Variants in GTF2E2 observed in about 807,000 individuals in gnomAD.
The protein encoded by GTF2E2 is transcription initiation factor IIE subunit beta.
Under a neutral mutation model 40.5 loss-of-function variants are expected in GTF2E2, and 21 were observed. That is an observed-to-expected ratio of 0.52 (90% CI 0.37 to 0.75). The LOEUF (loss-of-function observed/expected upper bound fraction) is 0.75. Ranked by LOEUF, GTF2E2 falls within the 30% of genes least tolerant of loss-of-function variation. GTF2E2 has a pLI of 0.00. For missense variants in GTF2E2, 298 were observed against 338.4 expected (o/e 0.88, Z 0.94); for synonymous variants, 117 against 121.6 (o/e 0.96, Z 0.25).
chr8:30,626,241 C>T (rs966575875), intron 3 of GTF2E2, among the ~76,000 whole-genome samples: 3 of 152,310 alleles, frequency 2.0e-5, no homozygotes, highest in Middle Eastern at 3.4e-3. Context: ...AATCCCACCA[C>T]TTTGGGAGGC....
intron 2 of GTF2E2, among the ~76,000 whole-genome samples, chr8:30,653,012 A>T (rs1802334215): frequency 6.6e-6 from 1 of 152,218 alleles, no homozygotes; most frequent in Non-Finnish European, 1.5e-5. Context: ...AAAGGCAAAT[A>T]TACAGAGCCA....
intron 6 of GTF2E2, among the ~76,000 whole-genome samples, chr8:30,593,338 G>GA (rs1283129170): frequency 2.0e-5 from 3 of 152,188 alleles, no homozygotes; most frequent in Non-Finnish European, 2.9e-5. Flanking sequence ...ATCAACTACT[G>GA]AAAGAGGAAT....
chr8:30,635,449 C>T (rs1801567002), intron 2 of GTF2E2, among the ~76,000 whole-genome samples: 1 of 152,038 alleles, frequency 6.6e-6, no homozygotes, highest in Non-Finnish European at 1.5e-5. Context: ...ATGGCACAAT[C>T]ACAGCTCACT....
chr8:30,609,980 G>A (rs1343749792), intron 5 of GTF2E2, among the ~76,000 whole-genome samples: 4 of 152,088 alleles, frequency 2.6e-5, no homozygotes. Context: ...CATGCTTCCT[G>A]GAGAGCCTGC....
At chr8:30,598,359 T>C (rs1454893328) in intron 6 of GTF2E2, among the ~76,000 whole-genome samples, 2 of 152,150 alleles carry the variant, frequency 1.3e-5, no homozygotes, top group Non-Finnish European at 2.9e-5. Context: ...GTGGCAGCAA[T>C]GGTCTGGAAA....
At chr8:30,640,572 T>C (rs973256972) in intron 2 of GTF2E2, among the ~76,000 whole-genome samples, 1 of 152,194 alleles carries the variant, frequency 6.6e-6, no homozygotes, top group Non-Finnish European at 1.5e-5. Context: ...CAGAAAAAGA[T>C]TGTTTTACCT....
Position 30,583,201 on chromosome 8 carries a change from G to A in GTF2E2, c.644-2805C>T, listed in dbSNP as rs1320885982. On this transcript the variant is annotated intron_variant, in intron 6 of 7. Transcript: ENST00000355904. ...ATACAAAAATTAGCTGGGCATGGCAGTGGGTACCTGTAATCCCAGCTACTC... is the reference window on the plus strand; with the variant it reads ...ATACAAAAATTAGCTGGGCATGGCAATGGGTACCTGTAATCCCAGCTACTC... 2.0e-5 allele frequency among the ~76,000 whole-genome samples: 3 copies of A among 152,198 alleles called. No individual in the cohort carries two copies. In the East Asian group the frequency reaches 5.8e-4, roughly 29 times the overall value.
At chr8:30,601,587 G>A (rs1335010450) in intron 6 of GTF2E2, among the ~76,000 whole-genome samples, 1 of 152,062 alleles carries the variant, frequency 6.6e-6, no homozygotes, top group East Asian at 1.9e-4. Flanking sequence ...CACTGCCAAG[G>A]TCGAAAGCCC....
In GTF2E2 at chr8:30,624,257, G is replaced by A. The variant is rs549225226; in HGVS notation, c.259-9542C>T. On this transcript the variant is annotated intron_variant, in intron 3 of 7. Coordinates refer to ENST00000355904, the MANE Select transcript of GTF2E2 (RefSeq NM_002095.6). ...CTAGCCAGTATTCCCAGCACCATTT[G>A]TTGAACAGGGAATCCTTTCCTCATT... Among the ~76,000 whole-genome samples the A allele has an allele frequency of 9.9e-4, 151 of 152,166 alleles. 1 individual carries two copies. The highest frequency in any genetic ancestry group is 3.4e-3 in the African/African-American group (139 of 41,480).
intron 1 of GTF2E2, among the ~76,000 whole-genome samples, chr8:30,655,509 T>C (rs1802423747): frequency 6.6e-6 from 1 of 152,186 alleles, no homozygotes; most frequent in South Asian, 2.1e-4. Context: ...GATAGCTCAA[T>C]AAATATTTGT....
intron 7 of GTF2E2, among the ~76,000 whole-genome samples, chr8:30,579,691 C>T (rs1382034960): frequency 6.6e-6 from 1 of 152,158 alleles, no homozygotes; most frequent in Admixed American, 6.5e-5. Context: ...AGGAGCACAG[C>T]ACTGCTAACA....
intron 2 of GTF2E2, among the ~76,000 whole-genome samples, chr8:30,644,744 A>G (rs1463029868): frequency 8.7e-6 from 1 of 114,858 alleles, no homozygotes; most frequent in Non-Finnish European, 1.8e-5. Flanking sequence ...TAATTTCGGT[A>G]TATGAATTTT....
intron 5 of GTF2E2, among the ~76,000 whole-genome samples, chr8:30,611,986 A>T (rs1386446894): frequency 6.6e-6 from 1 of 152,204 alleles, no homozygotes; most frequent in Non-Finnish European, 1.5e-5. Context: ...ATTATAGAAG[A>T]CACTCTTATT....
intron 2 of GTF2E2, chr8:30,637,418 CAAT>C (rs2128724501): frequency 5.1e-6 from 2 of 389,352 alleles, no homozygotes; most frequent in Admixed American, 3.2e-5. Flanking sequence ...AGTAAACACT[CAAT>C]AAATATTTGT....
At chr8:30,642,339 T>C (rs1801874204) in intron 2 of GTF2E2, among the ~76,000 whole-genome samples, 1 of 148,526 alleles carries the variant, frequency 6.7e-6, no homozygotes, top group South Asian at 2.1e-4. Context: ...GGTTACTCCA[T>C]ACTACTCCAT....
At chr8:30,648,478 T>C (rs1052334468) in intron 2 of GTF2E2, among the ~76,000 whole-genome samples, 3 of 152,212 alleles carry the variant, frequency 2.0e-5, no homozygotes, top group African/African-American at 7.2e-5. Flanking sequence ...AGTGGCATGG[T>C]AGCCTTTAGT....
chr8:30,581,649 T>C (rs1488135284), intron 6 of GTF2E2, among the ~76,000 whole-genome samples: 2 of 152,226 alleles, frequency 1.3e-5, no homozygotes, highest in African/African-American at 4.8e-5. Flanking sequence ...TTAATTTCCA[T>C]AGATACATTA....
chr8:30,646,167 G>A (rs1370675787), intron 2 of GTF2E2: 1 of 152,154 alleles, frequency 6.6e-6, no homozygotes. Context: ...AAGTATATTT[G>A]CACAAAATTC....
Position 30,580,327 on chromosome 8 carries a change from T to C in GTF2E2, c.713A>G (p.Lys238Arg), listed in dbSNP as rs1343778122. 6.2e-7 allele frequency: 1 copy of C among 1,610,862 alleles called. No individual in the cohort carries two copies. Among genetic ancestry groups the C allele is most frequent in the South Asian group, 1.1e-5 (1 of 91,012 alleles). ...CTGCATGGAAGAAATACCCTGTCGC[T>C]TCAGATATTCTTCAATTTTCTCCTC... ...MDEEKIEEYL[K>R]RQGISSMQES... Residue 238 changes from lysine (K) to arginine (R), a missense_variant, in exon 7 of 8, where the codon AAG becomes AGG. Transcript: ENST00000355904.
Sources: gnomAD v4.1 joint callset for allele counts (sites outside exome capture counted in the v4.1 genomes callset) on GRCh38, gnomAD v4.1.1 for gene constraint, MANE v1.5 for transcripts, NCBI Gene and HGNC (gene_info 2026-07-23, HGNC 2026-07-21) for gene names.